Variants in GMDS observed in about 807,000 individuals in gnomAD.
GMDS encodes the protein GDP-mannose 4,6-dehydratase.
In GMDS, 20 loss-of-function variants were observed where a neutral mutation model predicts 49.9. That is an observed-to-expected ratio of 0.40 (90% CI 0.28 to 0.58). GMDS has a LOEUF of 0.58. Ranked by LOEUF, GMDS falls within the 20% of genes least tolerant of loss-of-function variation. The pLI is 0.42. For synonymous variants in GMDS, 177 were observed against 178.6 expected, an observed-to-expected ratio of 0.99 and a Z score of 0.07; for missense variants, 362 against 481.4, an observed-to-expected ratio of 0.75 and a Z score of 2.32.
intron 7 of GMDS, among the ~76,000 whole-genome samples, chr6:1,751,333 C>A (rs1319496780): frequency 6.6e-6 from 1 of 152,190 alleles, no homozygotes; most frequent in African/African-American, 2.4e-5. Flanking sequence ...CTCCGGCTAG[C>A]ATCTGATGGG....
chr6:2,028,995 C>G (rs896884691), intron 4 of GMDS, among the ~76,000 whole-genome samples: 1 of 141,710 alleles, frequency 7.1e-6, no homozygotes. Flanking sequence ...TTTTTTCTTT[C>G]TTTCTTTTTT....
At chr6:1,838,371 T>C (rs1421159856) in intron 7 of GMDS, among the ~76,000 whole-genome samples, 1 of 152,234 alleles carries the variant, frequency 6.6e-6, no homozygotes, top group Admixed American at 6.5e-5. Context: ...AACACTAGCA[T>C]TATTGAAATT....
intron 9 of GMDS, among the ~76,000 whole-genome samples, chr6:1,692,003 C>T (rs774880355): frequency 1.1e-4 from 16 of 152,110 alleles, no homozygotes; most frequent in Non-Finnish European, 1.9e-4. Context: ...GAGAAGCAGA[C>T]CCACCCTCAG....
At chr6:2,089,898 C>T (rs1193404229) in intron 4 of GMDS, among the ~76,000 whole-genome samples, 1 of 152,156 alleles carries the variant, frequency 6.6e-6, no homozygotes, top group Non-Finnish European at 1.5e-5. Flanking sequence ...GTGGAACACG[C>T]TGGGGCCATG....
At chr6:2,093,880 A>G (rs1773453622) in intron 4 of GMDS, among the ~76,000 whole-genome samples, 1 of 152,158 alleles carries the variant, frequency 6.6e-6, no homozygotes, top group Non-Finnish European at 1.5e-5. Context: ...TTGTATTATT[A>G]AAATTTCATT....
chr6:1,910,669 T>C (rs1392289619), intron 7 of GMDS, among the ~76,000 whole-genome samples: 2 of 152,142 alleles, frequency 1.3e-5, no homozygotes, highest in Non-Finnish European at 2.9e-5. Context: ...GCTTTGCACA[T>C]ACACGAGGGT....
chr6:2,037,144 C>T (rs1435666580), intron 4 of GMDS, among the ~76,000 whole-genome samples: 1 of 152,138 alleles, frequency 6.6e-6, no homozygotes, highest in Non-Finnish European at 1.5e-5. Context: ...ATCAACACTT[C>T]ATACACTTGG....
intron 4 of GMDS, among the ~76,000 whole-genome samples, chr6:2,004,313 A>C (rs921842306): frequency 2.6e-5 from 4 of 152,172 alleles, no homozygotes; most frequent in Non-Finnish European, 5.9e-5. Flanking sequence ...CTTTGTGGAG[A>C]TCATGACCTA....
intron 4 of GMDS, among the ~76,000 whole-genome samples, chr6:2,025,367 T>C (rs1030959167): frequency 5.2e-5 from 3 of 58,216 alleles, no homozygotes; most frequent in Non-Finnish European, 4.2e-5. Flanking sequence ...GGTGTGTGTG[T>C]GTGTGTGTGT....
intron 7 of GMDS, among the ~76,000 whole-genome samples, chr6:1,919,781 C>T (rs185345203): frequency 6.6e-5 from 10 of 152,288 alleles, no homozygotes; most frequent in African/African-American, 2.4e-4. Flanking sequence ...CAGTGTTAAA[C>T]ATCTTATTCT....
intron 7 of GMDS, among the ~76,000 whole-genome samples, chr6:1,794,840 A>G (rs1302856822): frequency 6.6e-6 from 1 of 151,920 alleles, no homozygotes; most frequent in East Asian, 1.9e-4. Context: ...TTAAAAGTTA[A>G]TTTACAGGGG....
chr6:1,643,984 C>T (rs985503995), intron 9 of GMDS, among the ~76,000 whole-genome samples: 11 of 152,108 alleles, frequency 7.2e-5, no homozygotes, highest in South Asian at 6.2e-4. Context: ...GCTCCCAGGG[C>T]GGACGGCCCT....
At chr6:1,993,082 A>G (rs1253629406) in intron 4 of GMDS, among the ~76,000 whole-genome samples, 1 of 152,044 alleles carries the variant, frequency 6.6e-6, no homozygotes, top group Admixed American at 6.6e-5. Flanking sequence ...TAAATACTAG[A>G]TTCTCTCGGG....
At chr6:1,738,901 T>C (rs1767152161) in intron 8 of GMDS, among the ~76,000 whole-genome samples, 1 of 152,182 alleles carries the variant, frequency 6.6e-6, no homozygotes, top group Non-Finnish European at 1.5e-5. Flanking sequence ...CCTCAAGCTG[T>C]CCCCACCATA....
At chr6:1,927,479 C>A (rs935475604) in intron 7 of GMDS, among the ~76,000 whole-genome samples, 1 of 152,230 alleles carries the variant, frequency 6.6e-6, no homozygotes, top group Non-Finnish European at 1.5e-5. Flanking sequence ...TGTAATGACA[C>A]CGCCTTGTCA....
rs537734936 is a variant in GMDS, at chr6:1,805,496, T to A, written c.772-62910A>T. On this transcript the variant is annotated intron_variant, in intron 7 of 10. Transcript: ENST00000380815. ...ACCTCTGGAGGTCTCTAAGATGCTT[T>A]CGTTTGGTCTTCAAGGGCAAAACCA... 1.5e-3 allele frequency among the ~76,000 whole-genome samples: 225 copies of A among 152,306 alleles called. 1 individual carries two copies. Among genetic ancestry groups the A allele is most frequent in the African/African-American group, 5.3e-3 (222 of 41,554 alleles).
intron 6 of GMDS, among the ~76,000 whole-genome samples, chr6:1,931,618 A>C (rs1030612460): frequency 6.6e-6 from 1 of 152,256 alleles, no homozygotes; most frequent in African/African-American, 2.4e-5. Context: ...GTGGCTAATT[A>C]GTAATTTTAA....
At chr6:1,883,861 A>T (rs1387909003) in intron 7 of GMDS, among the ~76,000 whole-genome samples, 2 of 152,234 alleles carry the variant, frequency 1.3e-5, no homozygotes, top group African/African-American at 4.8e-5. Context: ...AACCAAATAA[A>T]GGGCATAAAC....
intron 6 of GMDS, among the ~76,000 whole-genome samples, chr6:1,954,459 T>C (rs531937248): frequency 6.6e-6 from 1 of 152,270 alleles, no homozygotes; most frequent in Non-Finnish European, 1.5e-5. Flanking sequence ...TAGCATCCAG[T>C]GCTGTGTAAC....
Sources: gnomAD v4.1 joint callset for allele counts (sites outside exome capture counted in the v4.1 genomes callset) on GRCh38, gnomAD v4.1.1 for gene constraint, MANE v1.5 for transcripts, NCBI Gene and HGNC (gene_info 2026-07-23, HGNC 2026-07-21) for gene names.